The following FLACC1 variants were observed in gnomAD, a reference collection of about 807,000 sequenced individuals.
FLACC1 encodes flagellum-associated coiled-coil domain-containing protein 1.
In FLACC1, 66 loss-of-function variants were observed where a neutral mutation model predicts 62.8. The observed-to-expected ratio is 1.05, with a 90% CI of 0.86 to 1.29. FLACC1 has a LOEUF of 1.29. Among genes scored for constraint, FLACC1 ranks in the 50% most tolerant of loss-of-function variants. The probability of loss-of-function intolerance (pLI) is 0.00; values close to 1 mark genes in which losing one functional copy is unlikely to be tolerated. For synonymous variants in FLACC1, 156 were observed against 161.0 expected (o/e 0.97, Z 0.24); for missense variants, 452 against 489.1 (o/e 0.92, Z 0.71).
chr2:201,348,393 C>A, intron 3 of FLACC1, 91 bp from the exon 4 acceptor site: 1 of 1,332,810 alleles, frequency 7.5e-7, no homozygotes. Context: ...CACCATCTGA[C>A]TTCTGCTCTC....
intron 12 of FLACC1, among the ~76,000 whole-genome samples, chr2:201,296,780 C>T (rs1949874500): frequency 6.6e-6 from 1 of 152,010 alleles, no homozygotes; most frequent in Admixed American, 6.6e-5. Context: ...TCTGGTGGCA[C>T]CTGAGAGGAC....
At chr2:201,341,287 T>C (rs1576467510) in intron 7 of FLACC1, among the ~76,000 whole-genome samples, 1 of 152,040 alleles carries the variant, frequency 6.6e-6, no homozygotes, top group South Asian at 2.1e-4. Flanking sequence ...GCAAGTAGCC[T>C]GAAAGGGGAT....
At chr2:201,347,580 T>C (rs1445579064) in intron 4 of FLACC1, among the ~76,000 whole-genome samples, 4 of 151,506 alleles carry the variant, frequency 2.6e-5, no homozygotes, top group Non-Finnish European at 5.9e-5. Context: ...TCAATAAATA[T>C]TTTCCAAAAA....
intron 12 of FLACC1, among the ~76,000 whole-genome samples, chr2:201,291,782 A>G (rs1949741069): frequency 6.6e-6 from 1 of 152,248 alleles, no homozygotes; most frequent in Non-Finnish European, 1.5e-5. Context: ...CCTTGAAAAA[A>G]GATTAGACGA....
chr2:201,344,346 A>ATGGTGAGAGCTGGCC, intron 5 of FLACC1, 83 bp from the exon 6 acceptor site: 3 of 947,408 alleles, frequency 3.2e-6, no homozygotes, highest in South Asian at 2.6e-5. Context: ...TGACTCTGGC[A>ATGGTGAGAGCTGGCC]TGGTGAGAGC....
At position 201,351,316 on chromosome 2, in the gene FLACC1, C is replaced by T. The variant is rs147447278; in HGVS notation, c.89G>A (p.Arg30His). ...CTTGGAACTCCCTGTGGAGTTCTTG[C>T]GTGGTAGTTGAGGGGTCTTGATTAG... ...RKLIKTPQLP[R>H]KNSTGSSKLT... is the part of the protein sequence containing the mutation. Residue 30 changes from arginine (R) to histidine (H), a missense_variant, in exon 2 of 15, where the codon CGC becomes CAC. Arg to His is a conservative substitution (Grantham distance 29). This residue lies in a region of FLACC1 where 147 missense variants were observed against 152.7 expected (regional missense o/e 0.96). Coordinates refer to ENST00000392257, the MANE Select transcript of FLACC1 (RefSeq NM_001127391.3). 140 of 1,613,796 alleles carry T rather than the reference C, an allele frequency of 8.7e-5. No homozygotes were observed. In the African/African-American group the frequency reaches 1.1e-3, roughly 12 times the overall value.
chr2:201,314,465 G>T (rs1363206913), intron 9 of FLACC1, among the ~76,000 whole-genome samples: 2 of 152,046 alleles, frequency 1.3e-5, no homozygotes, highest in Non-Finnish European at 2.9e-5. Flanking sequence ...CAAGGTTTTT[G>T]AATTAACCCA....
chr2:201,324,309 C>T (rs960754149), intron 9 of FLACC1, among the ~76,000 whole-genome samples: 1 of 152,126 alleles, frequency 6.6e-6, no homozygotes, highest in Non-Finnish European at 1.5e-5. Flanking sequence ...GAAGATATTA[C>T]AATCCTAAAT....
At chr2:201,328,384 G>A (rs1950534339) in intron 9 of FLACC1, among the ~76,000 whole-genome samples, 1 of 151,898 alleles carries the variant, frequency 6.6e-6, no homozygotes, top group Non-Finnish European at 1.5e-5. Flanking sequence ...ATTTTTACAT[G>A]TGTTAGCTTT....
In FLACC1 at chr2:201,290,049, C is replaced by T. The variant is rs76426266; in HGVS notation, c.943-264G>A. ...CAAGTCTTTATTAAATACCTACTAC[C>T]GATTCCAATTATATGACACTCTGGA... On this transcript the variant is annotated intron_variant, in intron 12 of 14. Transcript: ENST00000392257. Among the ~76,000 whole-genome samples the T allele has an allele frequency of 4.8e-3, 725 of 152,138 alleles. 6 individuals are homozygous for T. The highest frequency in any genetic ancestry group is 7.0e-3 in the Non-Finnish European group (476 of 68,006).
intron 11 of FLACC1, among the ~76,000 whole-genome samples, chr2:201,305,412 A>G (rs1015203650): frequency 6.6e-6 from 1 of 152,226 alleles, no homozygotes; most frequent in Non-Finnish European, 1.5e-5. Flanking sequence ...TAGAATGGCG[A>G]TCATTAAAAA....
At chr2:201,358,830 G>C (rs1445928835), upstream of FLACC1, among the ~76,000 whole-genome samples, 1 of 152,138 alleles carries the variant, frequency 6.6e-6, no homozygotes, top group Non-Finnish European at 1.5e-5. Context: ...CAAAGTGCTG[G>C]GATTACAGGT....
At chr2:201,344,744 T>C (rs1449773047) in intron 5 of FLACC1, among the ~76,000 whole-genome samples, 1 of 152,196 alleles carries the variant, frequency 6.6e-6, no homozygotes, top group Non-Finnish European at 1.5e-5. Flanking sequence ...CATGGTTTTC[T>C]GTGTTTCTGG....
In FLACC1 at chr2:201,345,485, TA is replaced by T. The variant is rs1255648694; in HGVS notation, c.368+1056del. On this transcript the variant is annotated intron_variant, in intron 5 of 14. Coordinates refer to ENST00000392257, the MANE Select transcript of FLACC1 (RefSeq NM_001127391.3). ...GTGTGTGTGTGTGTGTGTGTGTGTG[TA>T]TGTGTGTGTGTGTTTTCTATTGTTG... is the stretch of plus-strand genomic sequence containing the variant. Among the ~76,000 whole-genome samples, 270 of 141,092 alleles carry T rather than the reference TA, an allele frequency of 1.9e-3. 1 individual carries two copies. The highest frequency in any genetic ancestry group is 6.9e-3 in the Middle Eastern group (2 of 288). The allele number at this position is 141,092 out of a possible 152,430, so 92.6% of individuals were successfully genotyped here. A position where few individuals can be genotyped will look rare whatever the true frequency, so the allele number is the denominator to read the frequency against.
At chr2:201,332,826 CG>C (rs200679301) in intron 7 of FLACC1, among the ~76,000 whole-genome samples, 3,438 of 152,102 alleles carry the variant, frequency 0.023, 138 homozygotes, top group African/African-American at 0.079. Flanking sequence ...TTCCTGTGCC[CG>C]GTTTATTTTA....
chr2:201,324,328 A>G (rs1357915959), intron 9 of FLACC1, among the ~76,000 whole-genome samples: 1 of 152,238 alleles, frequency 6.6e-6, no homozygotes, highest in African/African-American at 2.4e-5. Flanking sequence ...ATTTACATGC[A>G]TCTAACACTG....
chr2:201,339,804 G>A (rs886857253), intron 7 of FLACC1, among the ~76,000 whole-genome samples: 2 of 152,150 alleles, frequency 1.3e-5, no homozygotes, highest in African/African-American at 4.8e-5. Context: ...CTGGCATTAA[G>A]TATTAGTGGG....
chr2:201,325,799 G>C (rs1950490313), intron 9 of FLACC1, among the ~76,000 whole-genome samples: 1 of 152,160 alleles, frequency 6.6e-6, no homozygotes, highest in Non-Finnish European at 1.5e-5. Context: ...TTGAGAAAGA[G>C]GGAATCCTCT....
rs1175962274 is a variant in FLACC1 at position 201,326,096 on chromosome 2, A to G, written c.675+4374T>C. On this transcript the variant is annotated intron_variant, in intron 9 of 14. Coordinates refer to ENST00000392257, the MANE Select transcript of FLACC1 (RefSeq NM_001127391.3). The surrounding 1 kb of genome is among the most constrained non-coding windows in gnomAD (Gnocchi z 4.1). Reference sequence around the variant, plus strand: ...TGATCATCTCAATAGATTCAGAAAAAGCATTTAATAAAATCCAGCATCCTT... The same window carrying G: ...TGATCATCTCAATAGATTCAGAAAAGGCATTTAATAAAATCCAGCATCCTT... Among the ~76,000 whole-genome samples the G allele has an allele frequency of 1.3e-5, 2 of 152,218 alleles. No individual in the cohort carries two copies. The highest frequency in any genetic ancestry group is 4.8e-5 in the African/African-American group (2 of 41,466).
Sources: gnomAD v4.1 joint callset for allele counts (sites outside exome capture counted in the v4.1 genomes callset) on GRCh38, gnomAD v4.1.1 for gene constraint, gnomAD v4.1.1 regional missense constraint, Gnocchi (gnomAD v3.1) non-coding constraint, MANE v1.5 for transcripts, NCBI Gene and HGNC (gene_info 2026-07-23, HGNC 2026-07-21) for gene names.